The following GK variants were observed in gnomAD, a reference collection of about 807,000 sequenced individuals.
The protein encoded by GK is ATP:glycerol 3-phosphotransferase.
Under a neutral mutation model 56.4 loss-of-function variants are expected in GK, and 9 were observed. The observed-to-expected ratio is 0.16, with a 90% confidence interval of 0.10 to 0.28. The LOEUF (loss-of-function observed/expected upper bound fraction) is 0.28. GK is among the 10% of genes least tolerant of loss of function. The probability of loss-of-function intolerance (pLI) is 1.00; values close to 1 mark genes in which losing one functional copy is unlikely to be tolerated. For synonymous variants in GK, 104 were observed against 144.1 expected, an observed-to-expected ratio of 0.72 and a Z score of 1.99; for missense variants, 161 against 431.4, an observed-to-expected ratio of 0.37 and a Z score of 5.55.
chrX:30,669,899 A>G (rs902641650), intron 3 of GK, among the ~76,000 whole-genome samples: 2 of 112,878 alleles, frequency 1.8e-5, no homozygotes, highest in African/African-American at 6.4e-5. Context: ...TCTGATAATC[A>G]CAAATAAATG....
At chrX:30,659,949 A>G (rs938815057) in intron 1 of GK, among the ~76,000 whole-genome samples, 1 of 111,348 alleles carries the variant, frequency 9.0e-6, no homozygotes, top group African/African-American at 3.3e-5. Context: ...GGGTTTTACC[A>G]TGTTGGCCAG....
intron 2 of GK, among the ~76,000 whole-genome samples, chrX:30,667,177 T>TA (rs200441848): frequency 1.2e-4 from 13 of 109,689 alleles, no homozygotes; most frequent in African/African-American, 3.6e-4. Context: ...ATTAAAAAAT[T>TA]AAAAAAAAAT....
rs767736013 is a variant in GK, at chrX:30,679,220, CT to C, written c.337+1783del. ...CAGAAAGTTCCAGTTAAATTCTGAGCTTTTTTTTTTTTTTTCTTTTTTTGAG... is the reference window on the plus strand; with the variant it reads ...CAGAAAGTTCCAGTTAAATTCTGAGCTTTTTTTTTTTTTTCTTTTTTTGAG... On this transcript the variant is annotated intron_variant, in intron 4 of 20. Coordinates refer to ENST00000427190, the MANE Select transcript of GK (RefSeq NM_001205019.2). Among the ~76,000 whole-genome samples, 586 of 95,577 alleles carry C rather than the reference CT, an allele frequency of 6.1e-3. 5 individuals carry two copies. The highest frequency in any genetic ancestry group is 0.018 in the African/African-American group (479 of 26,392). 83.0% of individuals were successfully genotyped at this position (95,577 alleles called of 115,157 possible). A position where few individuals can be genotyped will look rare whatever the true frequency, so the allele number is the denominator to read the frequency against.
chrX:30,718,518 GA>G lies in GK; in HGVS notation c.976-18del. 1 of 1,086,379 alleles carries G rather than the reference GA, an allele frequency of 9.2e-7. No individual in the cohort carries two copies. Among genetic ancestry groups the G allele is most frequent in the African/African-American group, 1.8e-5 (1 of 55,414 alleles). The allele number at this position is 1,086,379 out of a possible 1,213,427, so 89.5% of individuals were successfully genotyped here. A position where few individuals can be genotyped will look rare whatever the true frequency, so the allele number is the denominator to read the frequency against. On this transcript the variant is annotated intron_variant, in intron 13 of 20. Coordinates refer to ENST00000427190, the MANE Select transcript of GK (RefSeq NM_001205019.2). Reference sequence around the variant, plus strand: ...ATAGTGATAAAATATATTCTGTCTTGAATTCCTTTTTTTCTTTAGGGTTCTG... The same window carrying G: ...ATAGTGATAAAATATATTCTGTCTTGATTCCTTTTTTTCTTTAGGGTTCTG...
In GK at chrX:30,695,138, T is replaced by G. The variant is rs375510552; in HGVS notation, c.552+601T>G. On this transcript the variant is annotated intron_variant, in intron 6 of 20. Transcript: ENST00000427190. ...TTTTATTTGTAAATATTTCAGTAAG[T>G]ATGTAATGATCTTTTTTAACATTCA... 3 of 737,591 alleles carry G rather than the reference T, an allele frequency of 4.1e-6. No individual in the cohort carries two copies. The East Asian group carries it at 2.5e-4, about 60-fold the overall frequency. The allele number at this position is 737,591 out of a possible 1,213,427, so 60.8% of individuals were successfully genotyped here.
At chrX:30,699,725 T>A (rs1459948577) in intron 9 of GK, among the ~76,000 whole-genome samples, 1 of 111,140 alleles carries the variant, frequency 9.0e-6, no homozygotes, top group Non-Finnish European at 1.9e-5. Context: ...CTTGAGTTAA[T>A]GTGTCTTTTT....
At chrX:30,674,403 C>T in intron 3 of GK, 1 of 329,813 alleles carries the variant, frequency 3.0e-6, no homozygotes, top group Non-Finnish European at 5.9e-6. Context: ...TGCCAACTTT[C>T]CTTCATCACA....
At chrX:30,669,573 G>A (rs2147147532) in intron 3 of GK, among the ~76,000 whole-genome samples, 1 of 111,985 alleles carries the variant, frequency 8.9e-6, no homozygotes, top group Non-Finnish European at 1.9e-5. Context: ...TGATATAATA[G>A]CATAAAAGGT....
At chrX:30,687,998 G>A (rs750758028) in intron 4 of GK, among the ~76,000 whole-genome samples, 36 of 111,897 alleles carry the variant, frequency 3.2e-4, no homozygotes, top group Admixed American at 5.7e-4. Context: ...ATTATGACAG[G>A]TTTCTATGAT....
intron 3 of GK, among the ~76,000 whole-genome samples, 160 bp downstream of exon 3, chrX:30,668,278 A>G: frequency 8.9e-6 from 1 of 112,977 alleles, no homozygotes; most frequent in East Asian, 2.8e-4. Context: ...TCTTGTCCTC[A>G]TGGAGCTTTT....
chrX:30,685,308 T>G (rs186468087), intron 4 of GK, among the ~76,000 whole-genome samples: 4 of 111,036 alleles, frequency 3.6e-5, no homozygotes, highest in East Asian at 5.7e-4. Flanking sequence ...ATTTTTTTTG[T>G]ATTTTTAGAA....
At chrX:30,676,008 CT>C (rs1933873485) in intron 3 of GK, among the ~76,000 whole-genome samples, 1 of 112,297 alleles carries the variant, frequency 8.9e-6, no homozygotes, top group African/African-American at 3.2e-5. Flanking sequence ...CCAGGCTGAT[CT>C]TGAGCTCCTG....
At chrX:30,715,871 T>C (rs1366103504) in intron 13 of GK, among the ~76,000 whole-genome samples, 1 of 112,270 alleles carries the variant, frequency 8.9e-6, no homozygotes, top group Non-Finnish European at 1.9e-5. Context: ...AGTTTTTCAA[T>C]CACAACAAAA....
At chrX:30,701,008 A>G in intron 11 of GK, 103 bp downstream of exon 11, 4 of 542,622 alleles carry the variant, frequency 7.4e-6, no homozygotes, top group Non-Finnish European at 1.3e-5. Flanking sequence ...ATGAAAATCA[A>G]TAGCTTAATA....
At chrX:30,710,979 G>A (rs1326768246) in intron 13 of GK, among the ~76,000 whole-genome samples, 1 of 111,146 alleles carries the variant, frequency 9.0e-6, no homozygotes, top group African/African-American at 3.3e-5. Flanking sequence ...CCCCCATTTT[G>A]TTCAACATGT....
intron 3 of GK, among the ~76,000 whole-genome samples, chrX:30,674,150 A>G (rs1933723678): frequency 9.0e-6 from 1 of 111,683 alleles, no homozygotes; most frequent in Admixed American, 9.6e-5. Context: ...TAAAGTTGGA[A>G]CTATTATTCT....
At chrX:30,713,590 A>G (rs1262724217) in intron 13 of GK, among the ~76,000 whole-genome samples, 2 of 111,488 alleles carry the variant, frequency 1.8e-5, no homozygotes, top group African/African-American at 6.5e-5. Context: ...ACATTTTAAT[A>G]CCTCTAAATT....
At chrX:30,679,477 C>T (rs1203909085) in intron 4 of GK, among the ~76,000 whole-genome samples, 1 of 111,363 alleles carries the variant, frequency 9.0e-6, no homozygotes, top group Non-Finnish European at 1.9e-5. Flanking sequence ...CTTGGCACGC[C>T]CGGCTAGTTC....
intron 1 of GK, among the ~76,000 whole-genome samples, chrX:30,659,445 A>G (rs1442906455): frequency 8.9e-6 from 1 of 112,884 alleles, no homozygotes; most frequent in African/African-American, 3.2e-5. Context: ...TTTGTGGCTA[A>G]TATTTTTATT....
Sources: allele counts gnomAD v4.1 joint callset (sites outside exome capture counted in the v4.1 genomes callset), GRCh38; gene constraint gnomAD v4.1.1; transcripts MANE v1.5; gene names NCBI Gene and HGNC (gene_info 2026-07-23, HGNC 2026-07-21).